CFAP299: variants seen among roughly 807,000 people sequenced by gnomAD.
The protein encoded by CFAP299 is cilia and flagella associated protein 299.
In CFAP299, 21 loss-of-function variants were observed where a neutral mutation model predicts 27.0. The observed-to-expected ratio is 0.78, with a 90% CI of 0.55 to 1.12. The LOEUF (loss-of-function observed/expected upper bound fraction) is 1.12, where lower values mean the gene tolerates loss of function less well. Ranked by LOEUF, CFAP299 falls within the 50% of genes most tolerant of loss-of-function variation. The pLI is 0.00. For synonymous variants in CFAP299, 104 were observed against 98.1 expected (o/e 1.06, Z -0.36); for missense variants, 310 against 276.6 (o/e 1.12, Z -0.86).
intron 2 of CFAP299, among the ~76,000 whole-genome samples, chr4:80,473,733 G>T (rs1264112270): frequency 1.3e-5 from 2 of 151,978 alleles, no homozygotes; most frequent in Admixed American, 6.6e-5. Context: ...ACCACACCTG[G>T]CTAATTGTTT....
chr4:80,825,145 C>A (rs1462220401), intron 3 of CFAP299, among the ~76,000 whole-genome samples: 1 of 151,136 alleles, frequency 6.6e-6, no homozygotes, highest in Non-Finnish European at 1.5e-5. Context: ...TACTAGAGAG[C>A]CTAAAAGGCA....
intron 3 of CFAP299, among the ~76,000 whole-genome samples, chr4:80,724,131 A>G (rs1723004756): frequency 6.6e-6 from 1 of 152,186 alleles, no homozygotes; most frequent in Non-Finnish European, 1.5e-5. Flanking sequence ...AAATATATTC[A>G]TTACAAATTT....
intron 3 of CFAP299, among the ~76,000 whole-genome samples, chr4:80,743,115 G>A (rs1305945633): frequency 6.6e-6 from 1 of 152,044 alleles, no homozygotes; most frequent in Non-Finnish European, 1.5e-5. Context: ...CAAGTAGACC[G>A]GGCTCCGTGG....
chr4:80,809,821 G>A (rs1729051505), intron 3 of CFAP299, among the ~76,000 whole-genome samples: 1 of 151,990 alleles, frequency 6.6e-6, no homozygotes, highest in African/African-American at 2.4e-5. Context: ...TTCCTAAAAT[G>A]TGACATCAAT....
intron 5 of CFAP299, among the ~76,000 whole-genome samples, chr4:80,945,547 G>C (rs1737430301): frequency 6.6e-6 from 1 of 151,800 alleles, no homozygotes; most frequent in African/African-American, 2.4e-5. Flanking sequence ...CTATGTCTCG[G>C]GATGAAAGTT....
At chr4:80,501,993 T>C (rs1244962954) in intron 2 of CFAP299, among the ~76,000 whole-genome samples, 1 of 152,036 alleles carries the variant, frequency 6.6e-6, no homozygotes, top group East Asian at 1.9e-4. Flanking sequence ...CTATTATTAA[T>C]TATTCTTAGT....
At chr4:80,917,530 C>CACACA (rs1735826024) in intron 4 of CFAP299, among the ~76,000 whole-genome samples, 1 of 152,016 alleles carries the variant, frequency 6.6e-6, no homozygotes, top group Non-Finnish European at 1.5e-5. Context: ...TTGGAAGCCT[C>CACACA]ACATAAAATG....
At position 80,926,790 on chromosome 4, in the gene CFAP299, G is replaced by A. The variant is rs142496534; in HGVS notation, c.477-18020G>A. The stretch of plus-strand genomic sequence containing the variant: ...TACAATGGAAAGAGTTCTGATATAG[G>A]AATTTATGGAGCAATTATAAGGCAA... On this transcript the variant is annotated intron_variant, in intron 4 of 5. Transcript: ENST00000358105. Among the ~76,000 whole-genome samples the A allele has an allele frequency of 1.2e-3, 180 of 152,156 alleles. 1 individual carries two copies. Among genetic ancestry groups the A allele is most frequent in the African/African-American group, 4.0e-3 (165 of 41,542 alleles).
intron 2 of CFAP299, among the ~76,000 whole-genome samples, chr4:80,397,750 G>A (rs1725887733): frequency 1.3e-5 from 2 of 152,128 alleles, no homozygotes; most frequent in African/African-American, 2.4e-5. Context: ...GGCACAAACT[G>A]GAAGCATTCC....
chr4:80,372,103 G>A (rs1164597753), intron 2 of CFAP299, among the ~76,000 whole-genome samples: 1 of 152,216 alleles, frequency 6.6e-6, no homozygotes, highest in Admixed American at 6.5e-5. Context: ...CATTTGCTCA[G>A]TTTCTAGAGA....
chr4:80,708,859 A>C (rs1169129290), intron 3 of CFAP299, among the ~76,000 whole-genome samples: 4 of 152,206 alleles, frequency 2.6e-5, no homozygotes, highest in African/African-American at 9.6e-5. Context: ...AACGTGAAAT[A>C]TTAAAATTGA....
chr4:80,958,133 T>G (rs1322701295), intron 5 of CFAP299, among the ~76,000 whole-genome samples: 1 of 152,140 alleles, frequency 6.6e-6, no homozygotes, highest in Non-Finnish European at 1.5e-5. Context: ...TAACTTTGGG[T>G]AAATTATTCT....
intron 4 of CFAP299, among the ~76,000 whole-genome samples, chr4:80,912,355 G>A (rs1441082773): frequency 6.6e-6 from 1 of 152,134 alleles, no homozygotes; most frequent in African/African-American, 2.4e-5. Context: ...TAGACAAGGA[G>A]TCCAGGGGTA....
intron 5 of CFAP299, among the ~76,000 whole-genome samples, chr4:80,951,692 T>A (rs12648651): frequency 0.095 from 14,470 of 152,246 alleles, 733 homozygotes; most frequent in South Asian, 0.18. Context: ...CCTCTTCAGG[T>A]AACCCTAAAG....
chr4:80,387,153 T>G, intron 2 of CFAP299: 1 of 1,359,856 alleles, frequency 7.4e-7, no homozygotes, highest in Non-Finnish European at 1.1e-6. Context: ...TAGACGGCAC[T>G]GCCCTTCTTG....
chr4:80,627,797 C>G (rs1429354740), intron 3 of CFAP299, among the ~76,000 whole-genome samples: 2 of 151,538 alleles, frequency 1.3e-5, no homozygotes, highest in Non-Finnish European at 1.5e-5. Flanking sequence ...TGATCTCTAC[C>G]CTAAAAGCCA....
intron 2 of CFAP299, among the ~76,000 whole-genome samples, chr4:80,461,736 A>G (rs764972012): frequency 9.2e-5 from 14 of 152,152 alleles, no homozygotes; most frequent in Non-Finnish European, 1.8e-4. Flanking sequence ...GTGGTTTACC[A>G]GTTATATTCA....
intron 4 of CFAP299, 27 bp from the exon 5 acceptor site, chr4:80,944,783 A>T (rs1302865268): frequency 6.5e-7 from 1 of 1,538,182 alleles, no homozygotes; most frequent in Non-Finnish European, 8.9e-7. Flanking sequence ...ATACATCTTA[A>T]TTCCTAATAA....
intron 4 of CFAP299, among the ~76,000 whole-genome samples, chr4:80,882,295 A>C (rs2110177381): frequency 6.6e-6 from 1 of 152,336 alleles, no homozygotes; most frequent in South Asian, 2.1e-4. Flanking sequence ...AGTCTACATA[A>C]AGATACATTG....
Sources: gnomAD v4.1 joint callset for allele counts (sites outside exome capture counted in the v4.1 genomes callset) on GRCh38, gnomAD v4.1.1 for gene constraint, MANE v1.5 for transcripts, NCBI Gene and HGNC (gene_info 2026-07-23, HGNC 2026-07-21) for gene names.